CEP57: variants seen among roughly 807,000 people sequenced by gnomAD.
CEP57 encodes centrosomal protein 57, also known as centrosomal protein of 57 kDa.
A neutral mutation model predicts 68.0 loss-of-function variants in CEP57; 40 were observed. The observed-to-expected ratio is 0.59, with a 90% CI of 0.46 to 0.77. CEP57 has a LOEUF of 0.77. Ranked by LOEUF, CEP57 falls within the 30% of genes least tolerant of loss-of-function variation. The probability of loss-of-function intolerance (pLI) is 0.00; values close to 1 mark genes in which losing one functional copy is unlikely to be tolerated. For synonymous variants in CEP57, 219 were observed against 198.7 expected (o/e 1.10, Z -0.86); for missense variants, 606 against 580.7 (o/e 1.04, Z -0.45).
At position 95,812,300 on chromosome 11, in the gene CEP57, T is replaced by C. The variant is rs1468293159; in HGVS notation, c.203-632T>C. ...ATAAGACAGTAATGTACTTTAGGAC[T>C]GTTATGTGAACTTTGTATGATTGGC... On this transcript the variant is annotated intron_variant, in intron 2 of 10. Coordinates refer to ENST00000325542, the MANE Select transcript of CEP57 (RefSeq NM_014679.5). 2.0e-5 allele frequency among the ~76,000 whole-genome samples: 3 copies of C among 152,290 alleles called. No homozygotes were observed. In the East Asian group the frequency reaches 5.8e-4, roughly 29 times the overall value.
At position 95,831,370 on chromosome 11, in the gene CEP57, TG is replaced by T. The variant is rs1268324700; in HGVS notation, c.*115del. 3.7e-5 allele frequency: 29 copies of T among 774,374 alleles called. No individual in the cohort carries two copies. The African/African-American group carries it at 4.7e-4, about 13-fold the overall frequency. 48.0% of individuals were successfully genotyped at this position (774,374 alleles called of 1,614,324 possible). A position where few individuals can be genotyped will look rare whatever the true frequency, so the allele number is the denominator to read the frequency against. On this transcript the variant is annotated 3_prime_UTR_variant, in exon 11 of 11. Coordinates refer to ENST00000325542, the MANE Select transcript of CEP57 (RefSeq NM_014679.5). Reference sequence around the variant, plus strand: ...TATGTTGGAATTAATTAATAGCAGGTGTTAAAGGACCCAGGCTTCATTACAC... The same window carrying T: ...TATGTTGGAATTAATTAATAGCAGGTTTAAAGGACCCAGGCTTCATTACAC...
chr11:95,829,055 A>G (rs898266708), intron 9 of CEP57, 132 bp from the exon 10 acceptor site: 1 of 991,694 alleles, frequency 1.0e-6, no homozygotes, highest in Non-Finnish European at 1.5e-6. Flanking sequence ...AAAAAAAAAA[A>G]AATTTATTGC....
At chr11:95,822,865 A>G in intron 8 of CEP57, 1 of 404,466 alleles carries the variant, frequency 2.5e-6, no homozygotes, top group South Asian at 2.5e-5. Flanking sequence ...CAAGGAAATA[A>G]GAAATAGTAT....
intron 1 of CEP57, among the ~76,000 whole-genome samples, chr11:95,794,743 A>G (rs1278538828): frequency 6.6e-6 from 1 of 152,166 alleles, no homozygotes; most frequent in African/African-American, 2.4e-5. Flanking sequence ...ATTTCTGTTT[A>G]AGAAATTCTT....
rs1862808449 is a variant in CEP57, at chr11:95,827,803, T to A, written c.903T>A (p.His301Gln). ...TCCTTTAGTCCACAAGCCCTAGCCA[T>A]GCCGTGGTAGCCAATGTTCAGCTTG... Reference protein sequence around the residue: ...FVAGKSTSPSHAVVANVQLVL... With the variant: ...FVAGKSTSPSQAVVANVQLVL... The change falls in exon 9 of 11, where the codon CAT becomes CAA. Residue 301 changes from histidine to glutamine, a missense_variant. By Grantham distance (24) the His-to-Gln change is conservative (BLOSUM62 0). Coordinates refer to ENST00000325542, the MANE Select transcript of CEP57 (RefSeq NM_014679.5). The A allele has an allele frequency of 1.2e-6, 2 of 1,614,002 alleles. No individual in the cohort carries two copies. The highest frequency in any genetic ancestry group is 2.2e-5 in the South Asian group (2 of 91,088).
chr11:95,808,723 A>G (rs1044082936), intron 2 of CEP57, among the ~76,000 whole-genome samples: 5 of 152,234 alleles, frequency 3.3e-5, no homozygotes, highest in Non-Finnish European at 4.4e-5. Flanking sequence ...AGAGACCTGC[A>G]AAGAGACTCA....
rs778515485 is a variant in CEP57, at chr11:95,827,857, A to C, written c.957A>C (p.Lys319Asn). ...LVLHLMKQHS[K>N]ALCNDRVINS... Reference sequence around the variant, plus strand: ...TGCATCTAATGAAGCAACACAGTAAAGCTTTGTGCAATGATCGAGTCATCA... The same window carrying C: ...TGCATCTAATGAAGCAACACAGTAACGCTTTGTGCAATGATCGAGTCATCA... The change falls in exon 9 of 11, where the codon AAA (lysine) becomes AAC (asparagine). Residue 319 changes from lysine (K) to asparagine (N), a missense_variant. Transcript: ENST00000325542. 3 of 1,614,098 alleles carry C rather than the reference A, an allele frequency of 1.9e-6. No homozygotes were observed. The highest frequency in any genetic ancestry group is 2.5e-6 in the Non-Finnish European group (3 of 1,180,010).
At chr11:95,811,936 A>G (rs1862080987) in intron 2 of CEP57, among the ~76,000 whole-genome samples, 3 of 97,468 alleles carry the variant, frequency 3.1e-5, no homozygotes, top group Admixed American at 9.0e-5. Flanking sequence ...CTAAAGTGAA[A>G]AAACCTACAT....
intron 4 of CEP57, among the ~76,000 whole-genome samples, chr11:95,814,750 T>A (rs1001172138): frequency 6.6e-6 from 1 of 152,190 alleles, no homozygotes; most frequent in Non-Finnish European, 1.5e-5. Context: ...CTTAACTCTA[T>A]TATAAAATCG....
intron 2 of CEP57, among the ~76,000 whole-genome samples, chr11:95,805,451 G>A (rs1353333238): frequency 6.6e-6 from 1 of 152,070 alleles, no homozygotes. Context: ...GCAAGAATAA[G>A]CTGACTTCGA....
chr11:95,828,203 C>G (rs1862836630), intron 9 of CEP57, among the ~76,000 whole-genome samples, 176 bp downstream of exon 9: 1 of 152,152 alleles, frequency 6.6e-6, no homozygotes, highest in Admixed American at 6.5e-5. Flanking sequence ...GGTAAAATCT[C>G]TCTCTTTTTA....
upstream of CEP57, chr11:95,790,182 C>T (rs1047789746): frequency 1.2e-5 from 2 of 172,868 alleles, no homozygotes; most frequent in African/African-American, 4.8e-5. Context: ...GAGGCAAATT[C>T]ACGCTCTCTC....
At chr11:95,812,194 A>C (rs771149778) in intron 2 of CEP57, among the ~76,000 whole-genome samples, 3 of 152,076 alleles carry the variant, frequency 2.0e-5, no homozygotes, top group Non-Finnish European at 4.4e-5. Context: ...TGGTTTCTAC[A>C]TGTGCTCCTA....
At chr11:95,811,435 T>TGGGGGGA (rs1231508619) in intron 2 of CEP57, among the ~76,000 whole-genome samples, 1 of 17,990 alleles carries the variant, frequency 5.6e-5, no homozygotes, top group Admixed American at 7.4e-4. Context: ...TGTCGTGGGT[T>TGGGGGGA]GGGGGGAGGG....
In CEP57 at chr11:95,811,605, A is replaced by G. The variant is rs187580703; in HGVS notation, c.203-1327A>G. Among the ~76,000 whole-genome samples the G allele has an allele frequency of 8.5e-4, 129 of 152,206 alleles. No homozygotes were observed. The East Asian group carries it at 0.024, about 28-fold the overall frequency. Reference sequence around the variant, plus strand: ...TAAAAAAAAAAAAAACGTGATGGGAAAGAATTAGGTATACCTCTGTGAAAA... The same window carrying G: ...TAAAAAAAAAAAAAACGTGATGGGAGAGAATTAGGTATACCTCTGTGAAAA... On this transcript the variant is annotated intron_variant, in intron 2 of 10. Coordinates refer to ENST00000325542, the MANE Select transcript of CEP57 (RefSeq NM_014679.5).
At chr11:95,798,091 A>G (rs1168111273) in intron 1 of CEP57, among the ~76,000 whole-genome samples, 3 of 152,232 alleles carry the variant, frequency 2.0e-5, no homozygotes, top group African/African-American at 7.2e-5. Context: ...TCTTTGTTAT[A>G]TATGAACATA....
At chr11:95,828,463 G>A (rs892589521) in intron 9 of CEP57, among the ~76,000 whole-genome samples, 1 of 140,328 alleles carries the variant, frequency 7.1e-6, no homozygotes, top group Non-Finnish European at 1.7e-5. Flanking sequence ...ACAATGGTAA[G>A]TATTTGTGTA....
At chr11:95,791,260 C>G (rs748805918) in intron 1 of CEP57, among the ~76,000 whole-genome samples, 2 of 152,280 alleles carry the variant, frequency 1.3e-5, no homozygotes, top group Non-Finnish European at 2.9e-5. Context: ...GTGTGATGCT[C>G]GTAGCCAGAA....
At chr11:95,792,709 A>C (rs967658737) in intron 1 of CEP57, among the ~76,000 whole-genome samples, 1 of 152,188 alleles carries the variant, frequency 6.6e-6, no homozygotes, top group Admixed American at 6.5e-5. Context: ...CCACAAATCA[A>C]AGTATAACAA....
Sources: allele counts gnomAD v4.1 joint callset (sites outside exome capture counted in the v4.1 genomes callset), GRCh38; gene constraint gnomAD v4.1.1; transcripts MANE v1.5; gene names NCBI Gene and HGNC (gene_info 2026-07-23, HGNC 2026-07-21).